The following CPNE8 variants were observed in gnomAD, a reference collection of about 807,000 sequenced individuals.
The protein encoded by CPNE8 is copine-8.
CPNE8 carries 45 observed loss-of-function variants against 81.5 expected under a neutral mutation model. The observed-to-expected ratio is 0.55, with a 90% confidence interval of 0.44 to 0.71. The LOEUF is 0.71. Among genes scored for constraint, CPNE8 ranks in the 30% least tolerant of loss-of-function variants. CPNE8 has a pLI of 0.00. For synonymous variants in CPNE8, 252 were observed against 226.3 expected, an observed-to-expected ratio of 1.11 and a Z score of -1.02; for missense variants, 594 against 672.1, an observed-to-expected ratio of 0.88 and a Z score of 1.28.
intron 1 of CPNE8, among the ~76,000 whole-genome samples, chr12:38,891,048 C>A (rs895841443): frequency 6.6e-6 from 1 of 151,846 alleles, no homozygotes; most frequent in Non-Finnish European, 1.5e-5. Context: ...TGCCTCCTCG[C>A]CCTCCCAAGT....
chr12:38,871,308 G>C (rs538204767), intron 3 of CPNE8, among the ~76,000 whole-genome samples: 1 of 152,276 alleles, frequency 6.6e-6, no homozygotes, highest in Non-Finnish European at 1.5e-5. Flanking sequence ...CCAGATGCCT[G>C]GTACTATAAC....
intron 19 of CPNE8, among the ~76,000 whole-genome samples, chr12:38,656,516 T>C (rs536758585): frequency 6.6e-6 from 1 of 152,268 alleles, no homozygotes; most frequent in Admixed American, 6.5e-5. Context: ...ATTATGGACA[T>C]TAAACTCATT....
At chr12:38,812,832 G>A (rs1942961259) in intron 6 of CPNE8, among the ~76,000 whole-genome samples, 1 of 152,162 alleles carries the variant, frequency 6.6e-6, no homozygotes, top group Non-Finnish European at 1.5e-5. Context: ...TAAAGATGCA[G>A]CAAGAAAGTC....
intron 3 of CPNE8, among the ~76,000 whole-genome samples, chr12:38,862,554 C>T (rs921419665): frequency 6.6e-6 from 1 of 152,062 alleles, no homozygotes; most frequent in Non-Finnish European, 1.5e-5. Flanking sequence ...ACATAACAAA[C>T]TTGGATATAA....
chr12:38,893,567 C>T (rs999296359), intron 1 of CPNE8, among the ~76,000 whole-genome samples: 9 of 152,226 alleles, frequency 5.9e-5, no homozygotes, highest in Non-Finnish European at 1.0e-4. Context: ...CCTGGTGCTG[C>T]TCTGCCTATG....
intron 6 of CPNE8, among the ~76,000 whole-genome samples, chr12:38,807,918 CA>C (rs1942849536): frequency 6.6e-6 from 1 of 151,578 alleles, no homozygotes; most frequent in Non-Finnish European, 1.5e-5. Context: ...AAAAAACAAA[CA>C]ACCCCATCAA....
At chr12:38,730,441 CATT>C (rs768728901) in intron 10 of CPNE8, 83 bp from the exon 11 acceptor site, 6 of 682,608 alleles carry the variant, frequency 8.8e-6, no homozygotes, top group Non-Finnish European at 1.2e-5. Context: ...AAGGTTTAAT[CATT>C]ATCAAAAAAA....
intron 8 of CPNE8, among the ~76,000 whole-genome samples, chr12:38,766,827 T>A (rs1453581929): frequency 6.6e-6 from 1 of 152,132 alleles, no homozygotes; most frequent in Non-Finnish European, 1.5e-5. Flanking sequence ...TAAGTTCTTC[T>A]TATGTGTTGG....
At chr12:38,670,884 T>C in intron 18 of CPNE8, 82 bp from the exon 19 acceptor site, 1 of 944,266 alleles carries the variant, frequency 1.1e-6, no homozygotes, top group South Asian at 1.5e-5. Context: ...AATCAAGATG[T>C]ATGAAGTAGC....
intron 10 of CPNE8, among the ~76,000 whole-genome samples, chr12:38,740,521 G>C (rs1467177937): frequency 6.6e-6 from 1 of 152,148 alleles, no homozygotes; most frequent in African/African-American, 2.4e-5. Flanking sequence ...TATGATATTG[G>C]CTGTGGGTTT....
At chr12:38,767,905 A>T (rs1275862756) in intron 7 of CPNE8, among the ~76,000 whole-genome samples, 167 bp from the exon 8 acceptor site, 1 of 152,178 alleles carries the variant, frequency 6.6e-6, no homozygotes, top group Admixed American at 6.5e-5. Flanking sequence ...GGGTTATATG[A>T]CTTTAAAAAT....
At chr12:38,793,754 C>A (rs1390342222) in intron 6 of CPNE8, among the ~76,000 whole-genome samples, 1 of 151,856 alleles carries the variant, frequency 6.6e-6, no homozygotes, top group Admixed American at 6.6e-5. Context: ...TCGAGGGACT[C>A]CAAATAGCCA....
At chr12:38,684,025 A>G (rs1939472822) in intron 16 of CPNE8, among the ~76,000 whole-genome samples, 1 of 152,176 alleles carries the variant, frequency 6.6e-6, no homozygotes, top group East Asian at 1.9e-4. Flanking sequence ...ATTGATGAAC[A>G]CATTTCTAAT....
At chr12:38,745,122 C>A (rs1356084986) in intron 10 of CPNE8, among the ~76,000 whole-genome samples, 1 of 152,178 alleles carries the variant, frequency 6.6e-6, no homozygotes, top group Non-Finnish European at 1.5e-5. Flanking sequence ...ACCATATAAT[C>A]TTGATCTACC....
At chr12:38,771,764 C>T (rs1941809867) in intron 7 of CPNE8, among the ~76,000 whole-genome samples, 2 of 152,058 alleles carry the variant, frequency 1.3e-5, no homozygotes, top group African/African-American at 2.4e-5. Flanking sequence ...GATATTATTT[C>T]TTGGATATGA....
At chr12:38,886,317 C>T (rs1459887029) in intron 1 of CPNE8, among the ~76,000 whole-genome samples, 2 of 152,100 alleles carry the variant, frequency 1.3e-5, no homozygotes, top group Non-Finnish European at 2.9e-5. Flanking sequence ...TCATAGTATC[C>T]TCCTCATAGA....
chr12:38,772,606 G>A (rs564278008), intron 7 of CPNE8, among the ~76,000 whole-genome samples: 8 of 152,150 alleles, frequency 5.3e-5, no homozygotes, highest in Non-Finnish European at 7.4e-5. Flanking sequence ...AAAAACAAAC[G>A]CAAAAGGAAG....
chr12:38,667,778 C>T (rs1291586962), intron 19 of CPNE8, among the ~76,000 whole-genome samples: 4 of 151,900 alleles, frequency 2.6e-5, no homozygotes, highest in Non-Finnish European at 2.9e-5. Context: ...ATAGGCTGCT[C>T]TCAAGGATTC....
intron 6 of CPNE8, among the ~76,000 whole-genome samples, chr12:38,788,724 C>A (rs372025871): frequency 5.0e-4 from 75 of 151,408 alleles, no homozygotes; most frequent in African/African-American, 1.7e-3. Flanking sequence ...CCTGAAGATG[C>A]CACACAAAAA....
Sources: allele counts gnomAD v4.1 joint callset (sites outside exome capture counted in the v4.1 genomes callset), GRCh38; gene constraint gnomAD v4.1.1; transcripts MANE v1.5; gene names NCBI Gene and HGNC (gene_info 2026-07-23, HGNC 2026-07-21).